AUTS2: variants seen among roughly 807,000 people sequenced by gnomAD.
The protein encoded by AUTS2 is activator of transcription and developmental regulator AUTS2, also known as autism susceptibility gene 2 protein.
A neutral mutation model predicts 112.4 loss-of-function variants in AUTS2; 17 were observed. That is an observed-to-expected ratio of 0.15 (90% CI 0.10 to 0.23). The LOEUF (loss-of-function observed/expected upper bound fraction) is 0.23, where lower values mean the gene tolerates loss of function less well. Among genes scored for constraint, AUTS2 ranks in the 10% least tolerant of loss-of-function variants. AUTS2 has a pLI of 1.00. For synonymous variants in AUTS2, 751 were observed against 702.7 expected, an observed-to-expected ratio of 1.07 and a Z score of -1.09; for missense variants, 1,510 against 1,701.6, an observed-to-expected ratio of 0.89 and a Z score of 1.98.
At chr7:70,330,692 T>C (rs1463179152) in intron 4 of AUTS2, among the ~76,000 whole-genome samples, 1 of 152,234 alleles carries the variant, frequency 6.6e-6, no homozygotes, top group Non-Finnish European at 1.5e-5. Flanking sequence ...AGAGATTGCA[T>C]TGGATCTGTA....
intron 2 of AUTS2, among the ~76,000 whole-genome samples, chr7:69,908,622 G>A (rs1417569024): frequency 1.3e-5 from 2 of 152,176 alleles, no homozygotes; most frequent in Non-Finnish European, 2.9e-5. Flanking sequence ...CAGCTCTGCA[G>A]AAGCTGCCAC....
intron 1 of AUTS2, among the ~76,000 whole-genome samples, chr7:69,771,495 A>AT (rs1435695150): frequency 6.6e-6 from 1 of 152,196 alleles, no homozygotes; most frequent in African/African-American, 2.4e-5. Flanking sequence ...GTGCAAGTAG[A>AT]TGGTTTCAGT....
At chr7:69,692,428 A>ATAT (rs1797388274) in intron 1 of AUTS2, among the ~76,000 whole-genome samples, 1 of 152,188 alleles carries the variant, frequency 6.6e-6, no homozygotes, top group African/African-American at 2.4e-5. Context: ...GTGTGTGATG[A>ATAT]TTTTATTGGA....
intron 4 of AUTS2, among the ~76,000 whole-genome samples, chr7:70,407,941 C>T (rs1430253574): frequency 2.0e-5 from 3 of 151,824 alleles, no homozygotes; most frequent in Non-Finnish European, 4.4e-5. Context: ...GTAGTCCCAG[C>T]TACTCGGGAG....
rs1442489186 is a variant in AUTS2 at position 69,871,045 on chromosome 7, A to G, written c.310-28241A>G. On this transcript the variant is annotated intron_variant, in intron 1 of 18. Coordinates refer to ENST00000342771, the MANE Select transcript of AUTS2 (RefSeq NM_015570.4). ...CCGCACAGTGGAAACACTGCATGAA[A>G]TGAACTCAGAGGTTTTTATTTCACT... Among the ~76,000 whole-genome samples the G allele has an allele frequency of 2.6e-5, 4 of 152,218 alleles. No individual in the cohort carries two copies. The East Asian group carries it at 7.7e-4, about 29-fold the overall frequency.
intron 4 of AUTS2, among the ~76,000 whole-genome samples, chr7:70,267,174 A>G (rs1182655772): frequency 6.6e-6 from 1 of 152,122 alleles, no homozygotes; most frequent in Non-Finnish European, 1.5e-5. Context: ...AAATATCTGT[A>G]TGCTGTAGCA....
chr7:70,533,798 TG>T (rs1226283867), intron 5 of AUTS2, among the ~76,000 whole-genome samples: 1 of 152,216 alleles, frequency 6.6e-6, no homozygotes, highest in Non-Finnish European at 1.5e-5. Flanking sequence ...AGCAGGGAGC[TG>T]GCAAGTAATG....
rs376165715 is a variant in AUTS2 at position 69,607,974 on chromosome 7, G to A, written c.309+8012G>A. Among the ~76,000 whole-genome samples, 96 of 152,194 alleles carry A rather than the reference G, an allele frequency of 6.3e-4. 5 individuals are homozygous for A. The South Asian group carries it at 0.02, about 31-fold the overall frequency. ...TTTGAGACAGTGTCTTTCTTTGGTT[G>A]CCCAGGCTGGAGTGCAGTGGTATGC... On this transcript the variant is annotated intron_variant, in intron 1 of 18. Coordinates refer to ENST00000342771, the MANE Select transcript of AUTS2 (RefSeq NM_015570.4).
chr7:70,284,668 T>G (rs553535635), intron 4 of AUTS2, among the ~76,000 whole-genome samples: 1 of 152,348 alleles, frequency 6.6e-6, no homozygotes, highest in African/African-American at 2.4e-5. Flanking sequence ...TTAATGAACT[T>G]CCATTCTGCT....
chr7:70,058,878 G>A (rs1257714365), intron 2 of AUTS2, among the ~76,000 whole-genome samples: 1 of 151,988 alleles, frequency 6.6e-6, no homozygotes, highest in Non-Finnish European at 1.5e-5. Context: ...GCAGTTTTAG[G>A]TTTAACAGCA....
chr7:70,049,315 A>G (rs1801642723), intron 2 of AUTS2, among the ~76,000 whole-genome samples: 1 of 151,980 alleles, frequency 6.6e-6, no homozygotes, highest in Admixed American at 6.6e-5. Flanking sequence ...TTCCAACTCT[A>G]TTAGCAAATC....
intron 1 of AUTS2, among the ~76,000 whole-genome samples, chr7:69,797,037 AGTATAGTG>A (rs1789875231): frequency 1.3e-5 from 2 of 152,320 alleles, no homozygotes; most frequent in South Asian, 2.1e-4. Flanking sequence ...TAAAGGGCCT[AGTATAGTG>A]GGTAGTAATT....
intron 5 of AUTS2, among the ~76,000 whole-genome samples, chr7:70,611,149 C>T (rs1804072190): frequency 6.6e-6 from 1 of 152,160 alleles, no homozygotes; most frequent in Non-Finnish European, 1.5e-5. Flanking sequence ...TTCTTTCACA[C>T]GGTGTGAGAT....
At chr7:70,540,389 A>G (rs909495317) in intron 5 of AUTS2, among the ~76,000 whole-genome samples, 1 of 152,190 alleles carries the variant, frequency 6.6e-6, no homozygotes, top group African/African-American at 2.4e-5. Flanking sequence ...TCTCTTACCC[A>G]GCAGTGCCAA....
intron 4 of AUTS2, among the ~76,000 whole-genome samples, chr7:70,154,380 T>C (rs1312310508): frequency 5.9e-5 from 9 of 152,178 alleles, no homozygotes; most frequent in Non-Finnish European, 1.3e-4. Flanking sequence ...CCAGATCTAA[T>C]AAGCAAAAGA....
chr7:70,146,632 G>A (rs879493594), intron 4 of AUTS2, among the ~76,000 whole-genome samples: 52 of 152,124 alleles, frequency 3.4e-4, no homozygotes, highest in Admixed American at 3.4e-3. Flanking sequence ...GCAAACATGA[G>A]CCTGAATAAT....
intron 4 of AUTS2, among the ~76,000 whole-genome samples, chr7:70,352,714 G>A (rs2129623748): frequency 6.6e-6 from 1 of 152,278 alleles, no homozygotes; most frequent in South Asian, 2.1e-4. Context: ...ATAAGCACAG[G>A]TGTGATAAAT....
chr7:69,900,683 T>G (rs1469076392), intron 2 of AUTS2, among the ~76,000 whole-genome samples: 1 of 152,156 alleles, frequency 6.6e-6, no homozygotes, highest in Non-Finnish European at 1.5e-5. Context: ...TAGTGGGCAG[T>G]TTGGTGTCAG....
chr7:70,308,804 C>A (rs903802361), intron 4 of AUTS2, among the ~76,000 whole-genome samples: 2 of 151,848 alleles, frequency 1.3e-5, no homozygotes, highest in Non-Finnish European at 2.9e-5. Flanking sequence ...TTTGTATAGC[C>A]AAATATGTAG....
Sources: gnomAD v4.1 joint callset for allele counts (sites outside exome capture counted in the v4.1 genomes callset) on GRCh38, gnomAD v4.1.1 for gene constraint, MANE v1.5 for transcripts, NCBI Gene and HGNC (gene_info 2026-07-23, HGNC 2026-07-21) for gene names.